Variants in CDH12 observed in about 807,000 individuals in gnomAD.
CDH12 encodes the protein cadherin-12.
A neutral mutation model predicts 74.1 loss-of-function variants in CDH12; 41 were observed. The observed-to-expected ratio is 0.55, with a 90% confidence interval of 0.43 to 0.72. The LOEUF (loss-of-function observed/expected upper bound fraction) is 0.72, where lower values mean the gene tolerates loss of function less well. Among genes scored for constraint, CDH12 ranks in the 30% least tolerant of loss-of-function variants. The pLI is 0.00. For synonymous variants in CDH12, 399 were observed against 355.0 expected (o/e 1.12, Z -1.39); for missense variants, 945 against 977.2 (o/e 0.97, Z 0.44).
intron 1 of CDH12, among the ~76,000 whole-genome samples, chr5:22,565,317 T>G (rs1252082138): frequency 6.6e-6 from 1 of 152,186 alleles, no homozygotes; most frequent in Non-Finnish European, 1.5e-5. Flanking sequence ...TTGAGGAATC[T>G]CCATAGTCTT....
At chr5:22,137,709 C>T (rs1233349316) in intron 4 of CDH12, among the ~76,000 whole-genome samples, 1 of 151,978 alleles carries the variant, frequency 6.6e-6, no homozygotes, top group Non-Finnish European at 1.5e-5. Flanking sequence ...GTAACATTAA[C>T]ATTATTTTGA....
intron 1 of CDH12, among the ~76,000 whole-genome samples, chr5:22,552,337 T>C (rs761589181): frequency 1.3e-5 from 2 of 152,040 alleles, no homozygotes; most frequent in African/African-American, 2.4e-5. Context: ...TTTCTAAGCA[T>C]TACAGGTCCC....
chr5:21,851,194 G>A (rs185518524), intron 7 of CDH12, among the ~76,000 whole-genome samples: 1 of 151,198 alleles, frequency 6.6e-6, no homozygotes, highest in East Asian at 1.9e-4. Flanking sequence ...GCAATACCTA[G>A]TTACTGAACT....
At chr5:22,363,620 G>A (rs1039949891) in intron 3 of CDH12, among the ~76,000 whole-genome samples, 1 of 152,058 alleles carries the variant, frequency 6.6e-6, no homozygotes, top group Non-Finnish European at 1.5e-5. Context: ...ATATGTCCTT[G>A]GAAAGCTGAC....
intron 10 of CDH12, among the ~76,000 whole-genome samples, chr5:21,791,241 A>G (rs1746481257): frequency 6.6e-6 from 1 of 152,044 alleles, no homozygotes; most frequent in Non-Finnish European, 1.5e-5. Flanking sequence ...TTCTATTGTG[A>G]TATTTTATCC....
At chr5:22,324,664 G>GA (rs1739011584) in intron 3 of CDH12, among the ~76,000 whole-genome samples, 1 of 151,804 alleles carries the variant, frequency 6.6e-6, no homozygotes, top group South Asian at 2.1e-4. Flanking sequence ...ATAGGAAGCA[G>GA]AAAAATGTAT....
Position 21,842,319 on chromosome 5 carries a change from C to A in CDH12, c.656G>T (p.Arg219Ile). ...TCTGTCCATGTTTGGCAAAGCTGTT[C>A]TAATAACACCTTAAGGGATAAAAGC... The part of the protein sequence containing the change: ...FSIDPKTGVI[R>I]TALPNMDREV... The change falls in exon 8 of 15, where the codon AGA becomes ATA. Residue 219 changes from arginine (R) to isoleucine (I), a missense_variant. By Grantham distance (97) the Arg-to-Ile change is moderately conservative. Around this residue, in one of 3 missense-constraint regions of CDH12, gnomAD observed 791 missense variants for 792.8 expected, o/e 1.00. Transcript: ENST00000382254. 1 of 1,604,852 alleles carries A rather than the reference C, an allele frequency of 6.2e-7. No individual in the cohort carries two copies. Among genetic ancestry groups the A allele is most frequent in the Non-Finnish European group, 8.5e-7 (1 of 1,174,456 alleles).
At chr5:21,812,419 A>G (rs1747798048) in intron 9 of CDH12, among the ~76,000 whole-genome samples, 7 of 152,122 alleles carry the variant, frequency 4.6e-5, no homozygotes, top group Admixed American at 4.6e-4. Flanking sequence ...CTGCAACACT[A>G]CTGTTGATGT....
chr5:22,367,614 C>T (rs1284957112), intron 3 of CDH12, among the ~76,000 whole-genome samples: 1 of 152,102 alleles, frequency 6.6e-6, no homozygotes, highest in Non-Finnish European at 1.5e-5. Flanking sequence ...TATTTCTGTA[C>T]TTAATGTACA....
intron 2 of CDH12, among the ~76,000 whole-genome samples, chr5:22,467,513 AT>A (rs1745785926): frequency 6.6e-6 from 1 of 152,126 alleles, no homozygotes; most frequent in African/African-American, 2.4e-5. Flanking sequence ...CCTGCAATAT[AT>A]TTTAATATTT....
rs113585081 is a variant in CDH12 at position 22,427,635 on chromosome 5, T to G, written c.-427-22284A>C. Among the ~76,000 whole-genome samples the G allele has an allele frequency of 3.9e-3, 596 of 152,298 alleles. 7 individuals are homozygous for G. Among genetic ancestry groups the G allele is most frequent in the African/African-American group, 0.014 (566 of 41,574 alleles). On this transcript the variant is annotated intron_variant, in intron 2 of 14. Transcript: ENST00000382254. ...ATTGACTTTTATTTGGTGAATAAAT[T>G]TAAGGGACTTCAAGAGTTAAGGCCT...
intron 1 of CDH12, among the ~76,000 whole-genome samples, chr5:22,524,649 AG>A (rs1304608710): frequency 6.6e-6 from 1 of 152,168 alleles, no homozygotes; most frequent in East Asian, 1.9e-4. Flanking sequence ...TCAATGTTGC[AG>A]TATCAGTTGG....
chr5:22,111,542 A>G (rs1744817966), intron 4 of CDH12, among the ~76,000 whole-genome samples: 1 of 152,184 alleles, frequency 6.6e-6, no homozygotes, highest in Non-Finnish European at 1.5e-5. Context: ...ACATAATCAT[A>G]TTCTGCCCAC....
intron 6 of CDH12, among the ~76,000 whole-genome samples, chr5:21,906,232 C>G (rs1357562530): frequency 6.6e-6 from 1 of 152,096 alleles, no homozygotes; most frequent in Non-Finnish European, 1.5e-5. Flanking sequence ...TTGAAGCAGA[C>G]AGGTCAGGGG....
chr5:21,831,741 G>A (rs144506329), intron 8 of CDH12, among the ~76,000 whole-genome samples: 3 of 151,946 alleles, frequency 2.0e-5, no homozygotes, highest in Non-Finnish European at 1.5e-5. Flanking sequence ...CAATTTTCTC[G>A]TATTTTTGCA....
intron 1 of CDH12, among the ~76,000 whole-genome samples, chr5:22,531,265 A>G (rs1296801277): frequency 6.6e-6 from 1 of 152,162 alleles, no homozygotes; most frequent in Non-Finnish European, 1.5e-5. Flanking sequence ...GAGAGAGGGT[A>G]GAGAGGAGAT....
chr5:21,952,546 C>T (rs1755911133), intron 6 of CDH12, among the ~76,000 whole-genome samples: 1 of 152,184 alleles, frequency 6.6e-6, no homozygotes, highest in African/African-American at 2.4e-5. Flanking sequence ...TTCTTTCCTT[C>T]TGTGACAGTT....
intron 1 of CDH12, among the ~76,000 whole-genome samples, chr5:22,645,516 G>T (rs1208417434): frequency 6.6e-6 from 1 of 152,038 alleles, no homozygotes; most frequent in Non-Finnish European, 1.5e-5. Context: ...TTCTGGTAAA[G>T]ATGCTATGAA....
intron 1 of CDH12, among the ~76,000 whole-genome samples, chr5:22,849,764 A>G (rs1186627477): frequency 6.6e-6 from 1 of 152,140 alleles, no homozygotes; most frequent in Non-Finnish European, 1.5e-5. Flanking sequence ...AGAATTTTAC[A>G]TTGTTCAAGA....
Sources: gnomAD v4.1 joint callset for allele counts (sites outside exome capture counted in the v4.1 genomes callset) on GRCh38, gnomAD v4.1.1 for gene constraint, gnomAD v4.1.1 regional missense constraint, MANE v1.5 for transcripts, NCBI Gene and HGNC (gene_info 2026-07-23, HGNC 2026-07-21) for gene names.